The following CDH12 variants were observed in gnomAD, a reference collection of about 807,000 sequenced individuals.
The protein encoded by CDH12 is cadherin-12.
A neutral mutation model predicts 74.1 loss-of-function variants in CDH12; 41 were observed. The ratio of observed to expected loss-of-function variants is 0.55; its 90% CI spans 0.43 to 0.72. The LOEUF (loss-of-function observed/expected upper bound fraction) is 0.72, where lower values mean the gene tolerates loss of function less well. CDH12 is among the 30% of genes least tolerant of loss of function. CDH12 has a pLI of 0.00. For synonymous variants in CDH12, 399 were observed against 355.0 expected (o/e 1.12, Z -1.39); for missense variants, 945 against 977.2 (o/e 0.97, Z 0.44).
At chr5:22,463,256 C>T (rs1292991155) in intron 2 of CDH12, among the ~76,000 whole-genome samples, 1 of 125,300 alleles carries the variant, frequency 8.0e-6, no homozygotes, top group Non-Finnish European at 1.7e-5. Flanking sequence ...CACAATGCTT[C>T]TGAATAGGAT....
At chr5:22,078,912 G>A in intron 4 of CDH12, 50 bp from the exon 5 acceptor site, 2 of 1,004,938 alleles carry the variant, frequency 2.0e-6, no homozygotes, top group Non-Finnish European at 2.6e-6. Context: ...ATTGCATGAT[G>A]ATATTCATCA....
chr5:22,841,694 G>A (rs1363037904), intron 1 of CDH12, among the ~76,000 whole-genome samples: 1 of 152,138 alleles, frequency 6.6e-6, no homozygotes, highest in Non-Finnish European at 1.5e-5. Flanking sequence ...GAGGCAAAAG[G>A]TAAAACCAGT....
chr5:21,928,810 C>T (rs113973437), intron 6 of CDH12, among the ~76,000 whole-genome samples: 1 of 151,872 alleles, frequency 6.6e-6, no homozygotes, highest in Non-Finnish European at 1.5e-5. Context: ...TGGCTAATCC[C>T]CAAAATGGAA....
intron 1 of CDH12, among the ~76,000 whole-genome samples, chr5:22,631,401 C>T (rs1376232532): frequency 1.3e-5 from 2 of 152,052 alleles, no homozygotes; most frequent in Non-Finnish European, 2.9e-5. Context: ...TTTATCATTG[C>T]TAGACTGGAT....
At chr5:22,437,652 G>A (rs2126534901) in intron 2 of CDH12, among the ~76,000 whole-genome samples, 1 of 151,366 alleles carries the variant, frequency 6.6e-6, no homozygotes, top group Non-Finnish European at 1.5e-5. Flanking sequence ...ACATAATGTG[G>A]GGCTTTTAAA....
chr5:22,311,340 T>G (rs551160799), intron 3 of CDH12, among the ~76,000 whole-genome samples: 1 of 152,328 alleles, frequency 6.6e-6, no homozygotes, highest in South Asian at 2.1e-4. Context: ...GCTATACATT[T>G]TTATTTGTAT....
Position 21,807,416 on chromosome 5 carries a change from T to C in CDH12, c.1003-4996A>G, listed in dbSNP as rs540544322. ...ACTGCAGTACCATGGTCTCAGAGAATTGGTTTTGTCTGTGCAATGGGCAGG... is the reference window on the plus strand; with the variant it reads ...ACTGCAGTACCATGGTCTCAGAGAACTGGTTTTGTCTGTGCAATGGGCAGG... On this transcript the variant is annotated intron_variant, in intron 9 of 14. Coordinates refer to ENST00000382254, the MANE Select transcript of CDH12 (RefSeq NM_004061.5). 4.6e-5 allele frequency among the ~76,000 whole-genome samples: 7 copies of C among 152,224 alleles called. 1 individual carries two copies. In the South Asian group the frequency reaches 1.2e-3, roughly 27 times the overall value.
At chr5:22,729,084 A>T (rs6882018) in intron 1 of CDH12, among the ~76,000 whole-genome samples, 78,096 of 151,584 alleles carry the variant, frequency 0.52, 20,116 homozygotes, top group East Asian at 0.57. Context: ...GACTGTTGCA[A>T]CAACAATTGA....
chr5:21,794,518 T>C (rs1193779080), intron 10 of CDH12, among the ~76,000 whole-genome samples: 1 of 151,924 alleles, frequency 6.6e-6, no homozygotes, highest in East Asian at 1.9e-4. Context: ...TTCTAAATTC[T>C]ACATCTCCTT....
intron 1 of CDH12, among the ~76,000 whole-genome samples, chr5:22,749,100 T>C (rs1200864629): frequency 6.6e-6 from 1 of 152,212 alleles, no homozygotes; most frequent in Non-Finnish European, 1.5e-5. Flanking sequence ...TGTGCAATAT[T>C]TGGCCCTGGT....
chr5:21,752,401 T>A (rs1224993255), intron 14 of CDH12, among the ~76,000 whole-genome samples, 165 bp from the exon 15 acceptor site: 1 of 152,220 alleles, frequency 6.6e-6, no homozygotes, highest in African/African-American at 2.4e-5. Flanking sequence ...TATGTTTAAA[T>A]TTTGAAATTG....
intron 1 of CDH12, among the ~76,000 whole-genome samples, chr5:22,675,628 T>C (rs1455757539): frequency 6.6e-6 from 1 of 151,704 alleles, no homozygotes; most frequent in Admixed American, 6.6e-5. Flanking sequence ...GAACATGAGA[T>C]TTAGGAGGGG....
intron 6 of CDH12, among the ~76,000 whole-genome samples, chr5:21,900,967 G>A (rs1753359215): frequency 1.3e-5 from 2 of 152,130 alleles, no homozygotes; most frequent in African/African-American, 4.8e-5. Flanking sequence ...TCTCATTGTT[G>A]TTTCTGCCAT....
intron 8 of CDH12, among the ~76,000 whole-genome samples, chr5:21,821,635 T>A (rs1433294407): frequency 6.6e-6 from 1 of 151,912 alleles, no homozygotes; most frequent in East Asian, 1.9e-4. Context: ...CTAGAAATAT[T>A]GGAGGGCTTA....
At chr5:21,916,255 C>T (rs1351136527) in intron 6 of CDH12, among the ~76,000 whole-genome samples, 1 of 152,074 alleles carries the variant, frequency 6.6e-6, no homozygotes, top group Non-Finnish European at 1.5e-5. Context: ...ATCTTTGTCT[C>T]CCATAAACTT....
At chr5:22,673,860 A>G (rs1741027431) in intron 1 of CDH12, among the ~76,000 whole-genome samples, 1 of 152,232 alleles carries the variant, frequency 6.6e-6, no homozygotes, top group Non-Finnish European at 1.5e-5. Flanking sequence ...TACATTTTAG[A>G]TAACTCTAAA....
chr5:21,839,745 TG>T (rs1048434256), intron 8 of CDH12, among the ~76,000 whole-genome samples: 1 of 152,136 alleles, frequency 6.6e-6, no homozygotes, highest in African/African-American at 2.4e-5. Context: ...GAGAAAAAAC[TG>T]TGTTTTTTTG....
intron 1 of CDH12, among the ~76,000 whole-genome samples, chr5:22,830,984 T>C (rs1056244390): frequency 3.9e-5 from 6 of 151,992 alleles, no homozygotes; most frequent in African/African-American, 1.4e-4. Flanking sequence ...TTTTATATAA[T>C]TTATGAAGCC....
intron 4 of CDH12, among the ~76,000 whole-genome samples, chr5:22,205,639 C>T (rs1751180059): frequency 6.6e-6 from 1 of 152,040 alleles, no homozygotes; most frequent in African/African-American, 2.4e-5. Flanking sequence ...AATATCCTTG[C>T]AATTCAGTTT....
Sources: allele counts gnomAD v4.1 joint callset (sites outside exome capture counted in the v4.1 genomes callset), GRCh38; gene constraint gnomAD v4.1.1; transcripts MANE v1.5; gene names NCBI Gene and HGNC (gene_info 2026-07-23, HGNC 2026-07-21).